Variants in REDIC1 observed in about 807,000 individuals in gnomAD.
REDIC1 encodes regulator of DNA class I crossover intermediates 1, also known as HEI10 Interacting Protein 1.
chr12:39,627,910 G>C, the REDIC1 span, among the ~76,000 whole-genome samples: 1 of 152,166 alleles, frequency 6.6e-6, no homozygotes, highest in African/African-American at 2.4e-5. Context: ...TTGAAAGAAA[G>C]TTCATTGACA....
the REDIC1 span, among the ~76,000 whole-genome samples, chr12:39,712,757 G>T: frequency 6.3e-5 from 9 of 142,098 alleles, no homozygotes; most frequent in Non-Finnish European, 1.2e-4. Flanking sequence ...ACACATATGT[G>T]TATATACGTA....
the REDIC1 span, among the ~76,000 whole-genome samples, chr12:39,899,057 T>C: frequency 6.6e-6 from 1 of 152,140 alleles, no homozygotes; most frequent in African/African-American, 2.4e-5. Context: ...GAAGGAATGG[T>C]ACCAGTTCCT....
At chr12:39,724,937 G>C in the REDIC1 span, among the ~76,000 whole-genome samples, 2 of 152,032 alleles carry the variant, frequency 1.3e-5, no homozygotes, top group Non-Finnish European at 2.9e-5. Flanking sequence ...AGAGAGAATA[G>C]AGGCATAATT....
the REDIC1 span, among the ~76,000 whole-genome samples, chr12:39,682,215 T>C: frequency 6.6e-6 from 1 of 152,144 alleles, no homozygotes; most frequent in African/African-American, 2.4e-5. Flanking sequence ...GTTTTAACAC[T>C]GGTGATAAAT....
At chr12:39,642,046 G>C in the REDIC1 span, among the ~76,000 whole-genome samples, 12 of 151,658 alleles carry the variant, frequency 7.9e-5, no homozygotes, top group African/African-American at 2.4e-4. Flanking sequence ...CTCTCTGGTT[G>C]TTCCTTTTTA....
chr12:39,761,751 A>C, the REDIC1 span, among the ~76,000 whole-genome samples: 1 of 152,080 alleles, frequency 6.6e-6, no homozygotes, highest in African/African-American at 2.4e-5. Context: ...AGTAATTATG[A>C]TGAAGATAAA....
the REDIC1 span, among the ~76,000 whole-genome samples, chr12:39,744,849 A>G: frequency 6.6e-6 from 1 of 152,216 alleles, no homozygotes; most frequent in Non-Finnish European, 1.5e-5. Flanking sequence ...GTAGACAGAC[A>G]TCACTTCAAA....
At chr12:39,812,156 G>T in the REDIC1 span, among the ~76,000 whole-genome samples, 2 of 151,986 alleles carry the variant, frequency 1.3e-5, no homozygotes, top group Non-Finnish European at 2.9e-5. Flanking sequence ...TCTGGTGAGG[G>T]TCTGCTCCCT....
At chr12:39,646,312 T>C in the REDIC1 span, 2 of 834,048 alleles carry the variant, frequency 2.4e-6, no homozygotes, top group Non-Finnish European at 1.7e-6. Flanking sequence ...ATTATAATTA[T>C]ATATTTTTTA....
chr12:39,704,966 A>G, the REDIC1 span, among the ~76,000 whole-genome samples: 1 of 151,628 alleles, frequency 6.6e-6, no homozygotes, highest in African/African-American at 2.4e-5. Flanking sequence ...AGATATACCT[A>G]ATGCTAGATG....
the REDIC1 span, among the ~76,000 whole-genome samples, chr12:39,838,731 C>A: frequency 4.6e-5 from 7 of 152,008 alleles, no homozygotes; most frequent in Non-Finnish European, 8.8e-5. Context: ...GGGTCTTGGC[C>A]AAATGTGCTC....
the REDIC1 span, among the ~76,000 whole-genome samples, chr12:39,790,050 C>G: frequency 2.0e-5 from 3 of 150,828 alleles, no homozygotes; most frequent in Non-Finnish European, 4.4e-5. Flanking sequence ...TTATTTAACC[C>G]AATATATCCT....
At chr12:39,776,495 T>C in the REDIC1 span, among the ~76,000 whole-genome samples, 1 of 152,362 alleles carries the variant, frequency 6.6e-6, no homozygotes, top group East Asian at 1.9e-4. Context: ...ATGGTTTATA[T>C]TCTCTGAGAA....
chr12:39,646,722 AGT>A, the REDIC1 span: 2 of 649,212 alleles, frequency 3.1e-6, no homozygotes, highest in Non-Finnish European at 5.0e-6. Context: ...ATGACCCTGT[AGT>A]GATTTACTTA....
At chr12:39,866,925 T>G in the REDIC1 span, among the ~76,000 whole-genome samples, 1 of 152,240 alleles carries the variant, frequency 6.6e-6, no homozygotes, top group South Asian at 2.1e-4. Flanking sequence ...AAGTCTATTT[T>G]GCAAAACCAG....
the REDIC1 span, among the ~76,000 whole-genome samples, chr12:39,637,637 A>G: frequency 4.6e-5 from 7 of 152,124 alleles, no homozygotes; most frequent in African/African-American, 2.4e-5. Flanking sequence ...GAACATTTGC[A>G]TAAAATCAAA....
the REDIC1 span, chr12:39,626,313 C>T: frequency 3.7e-6 from 6 of 1,613,872 alleles, no homozygotes; most frequent in Admixed American, 3.3e-5. Flanking sequence ...ACACAGGGAC[C>T]TCAGTGTCAA....
the REDIC1 span, among the ~76,000 whole-genome samples, chr12:39,706,007 T>C: frequency 5.9e-5 from 9 of 152,118 alleles, no homozygotes; most frequent in Non-Finnish European, 1.0e-4. Flanking sequence ...GGCATCCAAA[T>C]TGGAAAGAAA....
At chr12:39,650,144 TGTA>T in the REDIC1 span, 4 of 1,223,710 alleles carry the variant, frequency 3.3e-6, no homozygotes, top group Non-Finnish European at 4.3e-6. The surrounding 1 kb of genome is among the most constrained non-coding windows in gnomAD (Gnocchi z 4.3). Context: ...AAAATATAAA[TGTA>T]GTTCATTTAC....
Sources: allele counts gnomAD v4.1 joint callset (sites outside exome capture counted in the v4.1 genomes callset), GRCh38; gene constraint gnomAD v4.1.1; non-coding constraint Gnocchi (gnomAD v3.1); transcripts MANE v1.5; gene names NCBI Gene and HGNC (gene_info 2026-07-23, HGNC 2026-07-21).